KCNT2: variants seen among roughly 807,000 people sequenced by gnomAD.
KCNT2 encodes potassium channel subfamily T member 2.
KCNT2 carries 67 observed loss-of-function variants against 153.8 expected under a neutral mutation model. The observed-to-expected ratio is 0.44, with a 90% CI of 0.36 to 0.53. The LOEUF (loss-of-function observed/expected upper bound fraction) is 0.53. Among genes scored for constraint, KCNT2 ranks in the 20% least tolerant of loss-of-function variants. The probability of loss-of-function intolerance (pLI) is 0.00; values close to 1 mark genes in which losing one functional copy is unlikely to be tolerated. For synonymous variants in KCNT2, 500 were observed against 458.8 expected (o/e 1.09, Z -1.15); for missense variants, 975 against 1,354.8 (o/e 0.72, Z 4.40).
chr1:196,420,686 T>G lies in KCNT2; in HGVS notation c.1185+2364A>C, dbSNP rs572554841. On this transcript the variant is annotated intron_variant, in intron 12 of 27. Transcript: ENST00000294725. ...GAACCATTTCCCATGAGGAAACTCC[T>G]CCAATCTTGTGTCAATGTCAATAGA... Among the ~76,000 whole-genome samples the G allele has an allele frequency of 7.4e-4, 112 of 152,164 alleles. 1 individual carries two copies. In the South Asian group the frequency reaches 0.014, roughly 19 times the overall value.
At chr1:196,323,472 C>G (rs1303983512) in intron 19 of KCNT2, among the ~76,000 whole-genome samples, 1 of 151,760 alleles carries the variant, frequency 6.6e-6, no homozygotes, top group East Asian at 1.9e-4. Flanking sequence ...CACAACAGAC[C>G]AAACAGAACA....
rs138672674 is a variant in KCNT2 at position 196,253,899 on chromosome 1, T to C, written c.3211+4295A>G. ...AAATTGGCCTCTTTTTTCCTACACA[T>C]GTGCCAAAACACAGCACTTGAATTT... On this transcript the variant is annotated intron_variant, in intron 26 of 27. Coordinates refer to ENST00000294725, the MANE Select transcript of KCNT2 (RefSeq NM_198503.5). Among the ~76,000 whole-genome samples the C allele has an allele frequency of 9.0e-4, 136 of 151,662 alleles. 1 individual carries two copies. Among genetic ancestry groups the C allele is most frequent in the Middle Eastern group, 3.4e-3 (1 of 294 alleles).
intron 13 of KCNT2, among the ~76,000 whole-genome samples, chr1:196,381,502 T>C (rs1669488863): frequency 6.6e-6 from 1 of 152,076 alleles, no homozygotes; most frequent in African/African-American, 2.4e-5. Context: ...AGTTCTATGA[T>C]ATATATTGTG....
intron 27 of KCNT2, among the ~76,000 whole-genome samples, chr1:196,228,923 A>G (rs1653708848): frequency 1.3e-5 from 2 of 152,128 alleles, no homozygotes; most frequent in Non-Finnish European, 1.5e-5. Flanking sequence ...AATTAGCAGG[A>G]AAATTATTTA....
chr1:196,520,146 T>C (rs909186398), intron 1 of KCNT2, among the ~76,000 whole-genome samples: 1 of 152,108 alleles, frequency 6.6e-6, no homozygotes, highest in African/African-American at 2.4e-5. Flanking sequence ...TCAAGGTTGG[T>C]TTAACGTATG....
At chr1:196,269,058 G>A (rs760401296) in intron 25 of KCNT2, among the ~76,000 whole-genome samples, 8 of 152,130 alleles carry the variant, frequency 5.3e-5, no homozygotes, top group East Asian at 3.9e-4. Context: ...AATCAAAGGC[G>A]TACAATCATA....
intron 14 of KCNT2, among the ~76,000 whole-genome samples, chr1:196,343,747 G>GTGTTT (rs577892013): frequency 1.1e-4 from 17 of 152,020 alleles, no homozygotes; most frequent in South Asian, 1.0e-3. Context: ...CTCTATAATC[G>GTGTTT]TGTTTTGTTT....
chr1:196,387,366 A>G (rs535144548), intron 13 of KCNT2, among the ~76,000 whole-genome samples: 1 of 152,086 alleles, frequency 6.6e-6, no homozygotes, highest in South Asian at 2.1e-4. Flanking sequence ...TCATATCTGC[A>G]TTCATTTAAA....
rs140222839 is a variant in KCNT2 at position 196,403,538 on chromosome 1, T to C, written c.1186-4867A>G. 1.4e-3 allele frequency among the ~76,000 whole-genome samples: 207 copies of C among 151,764 alleles called. 2 individuals are homozygous for C. The highest frequency in any genetic ancestry group is 4.8e-3 in the African/African-American group (201 of 41,490). On this transcript the variant is annotated intron_variant, in intron 12 of 27. Transcript: ENST00000294725. ...AATATACAATATAAAGAGTGAACCCTAATGTAAACTATGGGTTTTAGTTAA... is the reference window on the plus strand; with the variant it reads ...AATATACAATATAAAGAGTGAACCCCAATGTAAACTATGGGTTTTAGTTAA...
intron 13 of KCNT2, among the ~76,000 whole-genome samples, chr1:196,387,160 C>A (rs1248255092): frequency 6.6e-6 from 1 of 151,888 alleles, no homozygotes; most frequent in East Asian, 1.9e-4. Context: ...CATCCACAAA[C>A]CCATCTTCTA....
chr1:196,522,127 A>G (rs950319484), intron 1 of KCNT2, among the ~76,000 whole-genome samples: 9 of 152,218 alleles, frequency 5.9e-5, no homozygotes, highest in Non-Finnish European at 1.5e-5. Context: ...ATGCAGAAAG[A>G]GTCAGTATAC....
intron 1 of KCNT2, among the ~76,000 whole-genome samples, chr1:196,542,375 C>T (rs749419273): frequency 2.6e-5 from 4 of 152,040 alleles, no homozygotes; most frequent in Non-Finnish European, 4.4e-5. Flanking sequence ...GGACACAAAA[C>T]GTCAGAGTGT....
intron 1 of KCNT2, among the ~76,000 whole-genome samples, chr1:196,527,247 T>A (rs1258389353): frequency 6.6e-6 from 1 of 152,130 alleles, no homozygotes; most frequent in Admixed American, 6.6e-5. Context: ...TGGCAAGTTA[T>A]CTCTTTTATT....
At chr1:196,325,575 C>T (rs867021671) in intron 19 of KCNT2, among the ~76,000 whole-genome samples, 69 of 152,120 alleles carry the variant, frequency 4.5e-4, no homozygotes, top group African/African-American at 1.6e-3. Flanking sequence ...AGCCATCCCA[C>T]AATGCAACTT....
intron 8 of KCNT2, among the ~76,000 whole-genome samples, chr1:196,436,664 C>A (rs1674687554): frequency 6.6e-6 from 1 of 151,098 alleles, no homozygotes; most frequent in African/African-American, 2.4e-5. Flanking sequence ...TCTCTTTCAT[C>A]AAAATTAATG....
intron 1 of KCNT2, among the ~76,000 whole-genome samples, chr1:196,582,183 A>C (rs1183042177): frequency 2.0e-5 from 3 of 152,020 alleles, no homozygotes; most frequent in Non-Finnish European, 4.4e-5. Context: ...TGGCCAAGAA[A>C]AACAGGGTTC....
intron 21 of KCNT2, among the ~76,000 whole-genome samples, chr1:196,311,327 A>C (rs762178598): frequency 6.6e-6 from 1 of 151,704 alleles, no homozygotes; most frequent in African/African-American, 2.4e-5. Context: ...ATGCTCAATA[A>C]ACCTAGGGGC....
At chr1:196,411,774 T>C (rs1438733719) in intron 12 of KCNT2, among the ~76,000 whole-genome samples, 1 of 151,808 alleles carries the variant, frequency 6.6e-6, no homozygotes, top group Non-Finnish European at 1.5e-5. Flanking sequence ...CTACATAAAA[T>C]AGTTCTCCCT....
chr1:196,273,694 A>T (rs1046083447), intron 25 of KCNT2, among the ~76,000 whole-genome samples: 1 of 151,768 alleles, frequency 6.6e-6, no homozygotes, highest in Non-Finnish European at 1.5e-5. Flanking sequence ...CAGTCTTGTT[A>T]GATTGTTTTT....
Sources: allele counts gnomAD v4.1 joint callset (sites outside exome capture counted in the v4.1 genomes callset), GRCh38; gene constraint gnomAD v4.1.1; transcripts MANE v1.5; gene names NCBI Gene and HGNC (gene_info 2026-07-23, HGNC 2026-07-21).